FAM168B: variants seen among roughly 807,000 people sequenced by gnomAD.
FAM168B encodes myelin-associated neurite-outgrowth inhibitor.
A neutral mutation model predicts 21.8 loss-of-function variants in FAM168B; 19 were observed. That is an observed-to-expected ratio of 0.87 (90% CI 0.61 to 1.28). FAM168B has a LOEUF of 1.28. FAM168B is among the 50% of genes most tolerant of loss of function. FAM168B has a pLI of 0.00. For missense variants in FAM168B, 233 were observed against 263.1 expected, an observed-to-expected ratio of 0.89 and a Z score of 0.79; for synonymous variants, 126 against 104.8, an observed-to-expected ratio of 1.20 and a Z score of -1.24.
chr2:131,050,472 T>C lies in FAM168B; in HGVS notation c.*1993A>G, dbSNP rs1691593633. 1 of 985,702 alleles carries C rather than the reference T, an allele frequency of 1.0e-6. No individual in the cohort carries two copies. 61.1% of individuals were successfully genotyped at this position (985,702 alleles called of 1,614,324 possible). On this transcript the variant is annotated 3_prime_UTR_variant, in exon 7 of 7. Coordinates refer to ENST00000389915, the MANE Select transcript of FAM168B (RefSeq NM_001009993.4). ...GAGACTTGAAGAAAGGGGCACAAAC[T>C]GTGTGCCTGCGGTAAATGTCTGCCC... is the stretch of plus-strand genomic sequence containing the variant.
intron 3 of FAM168B, among the ~76,000 whole-genome samples, chr2:131,064,103 C>T (rs748412056): frequency 1.6e-4 from 25 of 152,142 alleles, no homozygotes; most frequent in Non-Finnish European, 2.8e-4. Flanking sequence ...AGACAACAGA[C>T]GCTCCCTCCT....
intron 3 of FAM168B, among the ~76,000 whole-genome samples, chr2:131,056,123 G>C (rs1318028628): frequency 6.6e-6 from 1 of 152,128 alleles, no homozygotes; most frequent in Non-Finnish European, 1.5e-5. Flanking sequence ...CACACACAGA[G>C]ACTTAACTGT....
chr2:131,058,980 C>A (rs1199521485), intron 3 of FAM168B, among the ~76,000 whole-genome samples: 1 of 152,190 alleles, frequency 6.6e-6, no homozygotes, highest in Non-Finnish European at 1.5e-5. Flanking sequence ...TGTACTGATA[C>A]TCCCAGGAGA....
At chr2:131,088,400 T>C (rs1693827935) in intron 1 of FAM168B, among the ~76,000 whole-genome samples, 1 of 143,692 alleles carries the variant, frequency 7.0e-6, no homozygotes, top group Non-Finnish European at 1.5e-5. Flanking sequence ...GTTTCTTCAA[T>C]AAGGCAATGG....
rs1286900046 is a variant in FAM168B, at chr2:131,051,401, TAC to T, written c.*1062_*1063del. The T allele has an allele frequency of 4.1e-6, 4 of 984,162 alleles. No homozygotes were observed. In the African/African-American group the frequency reaches 7.0e-5, roughly 17 times the overall value. The allele number at this position is 984,162 out of a possible 1,614,324, so 61.0% of individuals were successfully genotyped here. On this transcript the variant is annotated 3_prime_UTR_variant, in exon 7 of 7. Coordinates refer to ENST00000389915, the MANE Select transcript of FAM168B (RefSeq NM_001009993.4). ...TAAATATACCACTTTCTTCATAACA[TAC>T]AGCTGAAACCTTTGCCCTTCTTTGT...
At position 131,082,571 on chromosome 2, in the gene FAM168B, A is replaced by T. The variant is rs765035399; in HGVS notation, c.70+6T>A. On this transcript the variant is annotated splice_donor_region_variant and intron_variant, in intron 2 of 6. Coordinates refer to ENST00000389915, the MANE Select transcript of FAM168B (RefSeq NM_001009993.4). ...CAAAAATGAAAACAAAATTTTACTT[A>T]CTTACCTGGATAACCAATTCCTTTG... The T allele has an allele frequency of 1.9e-6, 3 of 1,593,118 alleles. No individual in the cohort carries two copies. In the South Asian group the frequency reaches 3.4e-5, roughly 18 times the overall value.
At chr2:131,080,061 G>A (rs945207581) in intron 2 of FAM168B, among the ~76,000 whole-genome samples, 1 of 151,774 alleles carries the variant, frequency 6.6e-6, no homozygotes, top group Non-Finnish European at 1.5e-5. Context: ...AGGTTGCAGT[G>A]AGCCAAGATC....
chr2:131,071,974 C>T (rs1558972566), intron 2 of FAM168B, 36 bp from the exon 3 acceptor site: 2 of 1,579,060 alleles, frequency 1.3e-6, no homozygotes, highest in African/African-American at 2.9e-5. Context: ...ATGTCATCAA[C>T]TGAAGTAGCG....
At chr2:131,089,036 A>G (rs980492343) in intron 1 of FAM168B, among the ~76,000 whole-genome samples, 33 of 149,798 alleles carry the variant, frequency 2.2e-4, no homozygotes, top group Non-Finnish European at 5.9e-5. Context: ...GCGCGATCTC[A>G]GCTCACCGCA....
intron 3 of FAM168B, among the ~76,000 whole-genome samples, chr2:131,057,956 G>A (rs1692108924): frequency 3.3e-5 from 5 of 151,970 alleles, no homozygotes; most frequent in Admixed American, 1.3e-4. Context: ...CCAGCCACCC[G>A]AGTAGCTGGG....
At chr2:131,064,496 C>G (rs557427783) in intron 3 of FAM168B, among the ~76,000 whole-genome samples, 22 of 152,146 alleles carry the variant, frequency 1.4e-4, no homozygotes, top group Non-Finnish European at 3.1e-4. Context: ...GTGGTGGAAG[C>G]TGGAAAGCCA....
intron 3 of FAM168B, among the ~76,000 whole-genome samples, chr2:131,063,829 T>A (rs540798602): frequency 7.2e-5 from 11 of 152,180 alleles, no homozygotes; most frequent in South Asian, 4.2e-4. Context: ...AGTAAAAAAA[T>A]TTTTTTAATT....
rs1315580527 is a variant in FAM168B, at chr2:131,071,916, T to C, written c.93A>G (p.Ala31=). Residue 31 remains alanine, a synonymous_variant, in exon 3 of 7, where the codon GCA becomes GCG. Transcript: ENST00000389915. ...TAGGAGAATAGGCAGGAGCTGCTGC[T>C]GCATAGCCCATGGGAAAACCAGCTG... The part of the protein sequence containing the change: ...GYPAGFPMGY[A]AAAPAYSPNM... 8 of 1,613,974 alleles carry C rather than the reference T, an allele frequency of 5.0e-6. No homozygotes were observed. In the South Asian group the frequency reaches 8.8e-5, roughly 18 times the overall value.
chr2:131,059,656 A>C (rs777453373), intron 3 of FAM168B, among the ~76,000 whole-genome samples: 10 of 152,202 alleles, frequency 6.6e-5, no homozygotes, highest in Non-Finnish European at 1.5e-4. Flanking sequence ...CTAGACTTCA[A>C]AGTTGGGAAT....
chr2:131,065,039 C>A (rs1257852733), intron 3 of FAM168B, among the ~76,000 whole-genome samples: 1 of 152,198 alleles, frequency 6.6e-6, no homozygotes, highest in Non-Finnish European at 1.5e-5. Context: ...ACAGAAGACA[C>A]AGCCGTGAAC....
Position 131,052,907 on chromosome 2 carries a change from CACT to C in FAM168B, c.581_583del (p.Gln194_Trp195delinsArg). On this transcript the variant is annotated inframe_deletion, in exon 6 of 7. Transcript: ENST00000389915. ...GTCACTTACATTTGCAGGTGATCAC[CACT>C]GAGGGGGCACATAGCTGTAAGTGGG... 1 of 1,556,120 alleles carries C rather than the reference CACT, an allele frequency of 6.4e-7. No individual in the cohort carries two copies. Among genetic ancestry groups the C allele is most frequent in the Non-Finnish European group, 8.7e-7 (1 of 1,149,142 alleles).
intron 2 of FAM168B, among the ~76,000 whole-genome samples, chr2:131,075,714 T>G (rs1300985805): frequency 6.6e-6 from 1 of 152,114 alleles, no homozygotes; most frequent in Non-Finnish European, 1.5e-5. Context: ...GGTCTCGATC[T>G]ACATACCTCG....
intron 2 of FAM168B, among the ~76,000 whole-genome samples, chr2:131,075,612 A>G (rs1208066220): frequency 6.6e-6 from 1 of 151,558 alleles, no homozygotes; most frequent in Admixed American, 6.6e-5. Flanking sequence ...CTCCTACCTC[A>G]GCCTCCTGAG....
At chr2:131,067,001 A>T (rs1437371775) in intron 3 of FAM168B, among the ~76,000 whole-genome samples, 1 of 152,166 alleles carries the variant, frequency 6.6e-6, no homozygotes, top group Non-Finnish European at 1.5e-5. Flanking sequence ...GTGCAGGGGA[A>T]CTGCCCTTTA....
Sources: gnomAD v4.1 joint callset for allele counts (sites outside exome capture counted in the v4.1 genomes callset) on GRCh38, gnomAD v4.1.1 for gene constraint, MANE v1.5 for transcripts, NCBI Gene and HGNC (gene_info 2026-07-23, HGNC 2026-07-21) for gene names.